Variants in TP53BP1 observed in about 807,000 individuals in gnomAD.
TP53BP1 encodes the protein tumor protein p53 binding protein 1, also known as TP53-binding protein 1.
A neutral mutation model predicts 200.8 loss-of-function variants in TP53BP1; 61 were observed. The ratio of observed to expected loss-of-function variants is 0.30; its 90% CI spans 0.25 to 0.38. The LOEUF (loss-of-function observed/expected upper bound fraction) is 0.38, where lower values mean the gene tolerates loss of function less well. Among genes scored for constraint, TP53BP1 ranks in the 10% least tolerant of loss-of-function variants. TP53BP1 has a pLI of 1.00. For synonymous variants in TP53BP1, 822 were observed against 844.3 expected (o/e 0.97, Z 0.46); for missense variants, 2,144 against 2,371.9 (o/e 0.90, Z 2.00).
intron 25 of TP53BP1, chr15:43,409,337 C>T: frequency 1.7e-6 from 1 of 582,224 alleles, no homozygotes; most frequent in Non-Finnish European, 3.1e-6. Context: ...ACAACCAAAA[C>T]CTATGAACTC....
intron 10 of TP53BP1, among the ~76,000 whole-genome samples, chr15:43,472,697 A>G (rs2046755921): frequency 6.6e-6 from 1 of 152,262 alleles, no homozygotes; most frequent in Non-Finnish European, 1.5e-5. Flanking sequence ...AGAAACAAGT[A>G]GGCCATTATT....
At chr15:43,447,227 A>C (rs2046062694) in intron 13 of TP53BP1, 139 bp downstream of exon 13, 3 of 812,314 alleles carry the variant, frequency 3.7e-6, no homozygotes, top group Admixed American at 6.3e-5. Context: ...ACAGAACCAG[A>C]CTTCATAACC....
At chr15:43,412,656 G>C (rs1401430825) in intron 24 of TP53BP1, 1 of 471,268 alleles carries the variant, frequency 2.1e-6, no homozygotes, top group South Asian at 1.5e-5. Context: ...TTAGACCTCA[G>C]GAGAATGAAC....
chr15:43,481,324 T>C (rs2078961808), intron 4 of TP53BP1, among the ~76,000 whole-genome samples: 1 of 151,994 alleles, frequency 6.6e-6, no homozygotes, highest in Non-Finnish European at 1.5e-5. Context: ...AAGATATGCA[T>C]TGGATGAGCA....
At chr15:43,483,402 A>C (rs1178206497) in intron 4 of TP53BP1, among the ~76,000 whole-genome samples, 1 of 152,204 alleles carries the variant, frequency 6.6e-6, no homozygotes, top group East Asian at 1.9e-4. Flanking sequence ...CAGCAAACAT[A>C]CACTTTTACT....
chr15:43,409,759 ACCAAGAT>A lies in TP53BP1; in HGVS notation c.5306-25_5306-19del. 2.6e-6 allele frequency: 3 copies of A among 1,167,804 alleles called. No individual in the cohort carries two copies. Among genetic ancestry groups the A allele is most frequent in the Non-Finnish European group, 3.6e-6 (3 of 823,124 alleles). 72.3% of individuals were successfully genotyped at this position (1,167,804 alleles called of 1,614,324 possible). A position where few individuals can be genotyped will look rare whatever the true frequency, so the allele number is the denominator to read the frequency against. ...CAAAAATTCTATATTAAAAAAAAAAACCAAGATAATAATTACTGAGTGGTTTTCTTAT... is the reference window on the plus strand; with the variant it reads ...CAAAAATTCTATATTAAAAAAAAAAAAATAATTACTGAGTGGTTTTCTTAT... On this transcript the variant is annotated intron_variant, in intron 24 of 27. Transcript: ENST00000382044.
At chr15:43,467,971 G>T (rs2046630424) in intron 11 of TP53BP1, among the ~76,000 whole-genome samples, 1 of 152,054 alleles carries the variant, frequency 6.6e-6, no homozygotes, top group African/African-American at 2.4e-5. Context: ...TTTTGGTAGA[G>T]ACTGGGTTTC....
chr15:43,492,807 G>C (rs950251045), intron 1 of TP53BP1, among the ~76,000 whole-genome samples: 1 of 128,608 alleles, frequency 7.8e-6, no homozygotes, highest in African/African-American at 3.0e-5. Context: ...CCCCCCAAAA[G>C]AATGTTTTCT....
chr15:43,495,495 T>TCTCACA (rs1555410631), upstream of TP53BP1, among the ~76,000 whole-genome samples: 3 of 133,352 alleles, frequency 2.2e-5, no homozygotes, highest in Non-Finnish European at 4.8e-5. Context: ...TGAGACTCCG[T>TCTCACA]CACACACACA....
chr15:43,408,169 T>C (rs1446710176), intron 26 of TP53BP1, 81 bp from the exon 27 acceptor site: 8 of 1,382,860 alleles, frequency 5.8e-6, no homozygotes, highest in Non-Finnish European at 7.0e-6. Flanking sequence ...CTCATGTACA[T>C]CTGAATGCTT....
At position 43,404,625 on chromosome 15, in the gene TP53BP1, T is replaced by G; in HGVS notation, c.*2758A>C. The stretch of plus-strand genomic sequence containing the variant: ...TTAATGAGTTGTAGAATTCTAGAAC[T>G]GGAAGAAGACTTTAGTCCAAATACC... On this transcript the variant is annotated 3_prime_UTR_variant, in exon 28 of 28. Transcript: ENST00000382044. The G allele has an allele frequency of 6.5e-7, 1 of 1,527,444 alleles. No homozygotes were observed. The highest frequency in any genetic ancestry group is 8.9e-7 in the Non-Finnish European group (1 of 1,118,752). 94.6% of individuals were successfully genotyped at this position (1,527,444 alleles called of 1,614,324 possible).
At chr15:43,501,727 T>C (rs2079210350) in intron 1 of TP53BP1, among the ~76,000 whole-genome samples, 1 of 152,238 alleles carries the variant, frequency 6.6e-6, no homozygotes, top group Non-Finnish European at 1.5e-5. Context: ...ACGTGGTCTT[T>C]TGTGTCCAGC....
Position 43,493,121 on chromosome 15 carries a change from G to A in TP53BP1, c.-78C>T, listed in dbSNP as rs940064173. The A allele has an allele frequency of 5.6e-6, 9 of 1,593,514 alleles. No homozygotes were observed. The highest frequency in any genetic ancestry group is 4.5e-5 in the East Asian group (2 of 43,978). ...GTCCCTCCAGATCGATCCCTAGGTC[G>A]CCGCTGTCGCCACCGCCGCCACCGG... On this transcript the variant is annotated 5_prime_UTR_variant, in exon 1 of 28. Transcript: ENST00000382044.
intron 27 of TP53BP1, 39 bp downstream of exon 27, chr15:43,407,904 T>G (rs534931140): frequency 2.4e-5 from 38 of 1,589,718 alleles, no homozygotes; most frequent in Non-Finnish European, 2.7e-5. Flanking sequence ...TCTAAGGAGA[T>G]CCCTGGAACA....
intron 14 of TP53BP1, among the ~76,000 whole-genome samples, chr15:43,442,041 G>A (rs34697113): frequency 0.18 from 26,531 of 150,654 alleles, 2,503 homozygotes; most frequent in Middle Eastern, 0.28. Context: ...CAACAGTCTC[G>A]CTCTGTCACC....
intron 8 of TP53BP1, 137 bp from the exon 9 acceptor site, chr15:43,475,831 A>G (rs2078873096): frequency 2.8e-6 from 3 of 1,064,580 alleles, no homozygotes; most frequent in Admixed American, 2.5e-5. Context: ...TTGTTTTCTA[A>G]TTATAGTACA....
intron 1 of TP53BP1, among the ~76,000 whole-genome samples, chr15:43,505,760 T>A (rs1013478059): frequency 6.6e-6 from 1 of 152,224 alleles, no homozygotes; most frequent in Non-Finnish European, 1.5e-5. Flanking sequence ...AGTGCCTTTT[T>A]AAAGGTTATT....
intron 10 of TP53BP1, among the ~76,000 whole-genome samples, chr15:43,471,900 C>G (rs890013750): frequency 6.6e-6 from 1 of 152,174 alleles, no homozygotes; most frequent in Non-Finnish European, 1.5e-5. Flanking sequence ...AGTCACTAAT[C>G]ATGTTATGCT....
At chr15:43,488,623 G>T (rs914212848) in intron 4 of TP53BP1, among the ~76,000 whole-genome samples, 4 of 152,198 alleles carry the variant, frequency 2.6e-5, no homozygotes, top group Admixed American at 2.0e-4. Context: ...GCCAGGCAAG[G>T]TGGTTCACAC....
Sources: gnomAD v4.1 joint callset for allele counts (sites outside exome capture counted in the v4.1 genomes callset) on GRCh38, gnomAD v4.1.1 for gene constraint, MANE v1.5 for transcripts, NCBI Gene and HGNC (gene_info 2026-07-23, HGNC 2026-07-21) for gene names.